Variants in SH3PXD2A observed in about 807,000 individuals in gnomAD.
SH3PXD2A encodes the protein SH3 and PX domains 2A.
SH3PXD2A carries 32 observed loss-of-function variants against 115.2 expected under a neutral mutation model. The ratio of observed to expected loss-of-function variants is 0.28; its 90% CI spans 0.21 to 0.37. The LOEUF is 0.37. SH3PXD2A is among the 10% of genes least tolerant of loss of function. The pLI is 1.00. For missense variants in SH3PXD2A, 1,328 were observed against 1,498.7 expected, an observed-to-expected ratio of 0.89 and a Z score of 1.88; for synonymous variants, 610 against 629.1, an observed-to-expected ratio of 0.97 and a Z score of 0.45.
At chr10:103,745,766 C>G (rs928724035) in intron 3 of SH3PXD2A, among the ~76,000 whole-genome samples, 2 of 152,210 alleles carry the variant, frequency 1.3e-5, no homozygotes, top group African/African-American at 2.4e-5. Context: ...TCCTGATTCA[C>G]CCAACCCATA....
rs1318576156 is a variant in SH3PXD2A, at chr10:103,617,181, T to C, written c.920+16A>G. On this transcript the variant is annotated intron_variant, in intron 11 of 14. Coordinates refer to ENST00000369774, the MANE Select transcript of SH3PXD2A (RefSeq NM_001394015.1). ...TGGGCGAGAGGCATCTCGTTCATAA[T>C]GTAAGGGTTCCCTACCTGATATACC... 1 of 1,571,390 alleles carries C rather than the reference T, an allele frequency of 6.4e-7. No individual in the cohort carries two copies. Among genetic ancestry groups the C allele is most frequent in the East Asian group, 2.2e-5 (1 of 44,722 alleles).
At chr10:103,653,094 T>C (rs963542175) in intron 8 of SH3PXD2A, among the ~76,000 whole-genome samples, 1 of 152,172 alleles carries the variant, frequency 6.6e-6, no homozygotes, top group Non-Finnish European at 1.5e-5. Flanking sequence ...CCACAGCGCC[T>C]GCTTGTTTCC....
chr10:103,675,560 C>G (rs780816376), intron 6 of SH3PXD2A, among the ~76,000 whole-genome samples: 24 of 152,078 alleles, frequency 1.6e-4, no homozygotes, highest in Non-Finnish European at 2.4e-4. Flanking sequence ...GTCTCAGAAC[C>G]AGAGAGGAGA....
In SH3PXD2A at chr10:103,788,048, G is replaced by T. The variant is rs115903188; in HGVS notation, c.153+13234C>A. 6.0e-3 allele frequency among the ~76,000 whole-genome samples: 910 copies of T among 152,270 alleles called. 13 individuals are homozygous for T. The highest frequency in any genetic ancestry group is 0.021 in the African/African-American group (858 of 41,546). On this transcript the variant is annotated intron_variant, in intron 2 of 14. Coordinates refer to ENST00000369774, the MANE Select transcript of SH3PXD2A (RefSeq NM_001394015.1). ...AGACCCTTCTGTGGCTGGGAAAAAT[G>T]TTCCCCTAATCCAGGCTGGGCATGC... is the stretch of plus-strand genomic sequence containing the variant.
At chr10:103,854,907 C>A (rs1842926450) in intron 1 of SH3PXD2A, among the ~76,000 whole-genome samples, 1 of 152,200 alleles carries the variant, frequency 6.6e-6, no homozygotes, top group Admixed American at 6.5e-5. Context: ...AAAGCTCCCC[C>A]CACCATCCAT....
At chr10:103,639,485 C>T (rs759964359) in intron 8 of SH3PXD2A, among the ~76,000 whole-genome samples, 2 of 151,960 alleles carry the variant, frequency 1.3e-5, no homozygotes, top group Non-Finnish European at 2.9e-5. Context: ...TGGCGTGTGC[C>T]TGTAGTCCCA....
At chr10:103,622,577 G>A (rs1257756715) in intron 9 of SH3PXD2A, 24 bp from the exon 10 acceptor site, 2 of 1,512,906 alleles carry the variant, frequency 1.3e-6, no homozygotes, top group East Asian at 4.9e-5. Context: ...TGGCGATGGA[G>A]CATGCGGCCA....
intron 7 of SH3PXD2A, among the ~76,000 whole-genome samples, chr10:103,662,573 G>T (rs1340826117): frequency 3.3e-5 from 5 of 150,046 alleles, no homozygotes; most frequent in African/African-American, 7.4e-5. Flanking sequence ...CTAATTTTTT[G>T]TATTTTTAGT....
rs563241897 is a variant in SH3PXD2A at position 103,618,332 on chromosome 10, C to T, written c.803-1018G>A. On this transcript the variant is annotated intron_variant, in intron 10 of 14. Transcript: ENST00000369774. ...CAGGAGGGTGTTTCTTCCATGCCTG[C>T]TGGGGTTCAGCTTTCCCTGTCCCAG... Among the ~76,000 whole-genome samples, 184 of 152,344 alleles carry T rather than the reference C, an allele frequency of 1.2e-3. 1 individual carries two copies. The highest frequency in any genetic ancestry group is 1.9e-3 in the Non-Finnish European group (132 of 68,022).
intron 2 of SH3PXD2A, among the ~76,000 whole-genome samples, chr10:103,791,226 C>T (rs555752061): frequency 3.3e-4 from 51 of 152,330 alleles, no homozygotes; most frequent in Admixed American, 9.8e-4. Context: ...GGGGGTGCAG[C>T]AAAGGGCGGA....
intron 2 of SH3PXD2A, among the ~76,000 whole-genome samples, chr10:103,796,018 A>G (rs1446620658): frequency 6.6e-6 from 1 of 152,080 alleles, no homozygotes; most frequent in Non-Finnish European, 1.5e-5. Flanking sequence ...CCCCCAAACT[A>G]GAGTGTGGGT....
intron 3 of SH3PXD2A, among the ~76,000 whole-genome samples, chr10:103,759,696 C>G (rs948593067): frequency 2.6e-5 from 4 of 152,232 alleles, no homozygotes; most frequent in Non-Finnish European, 5.9e-5. Flanking sequence ...GGAGTCTCCT[C>G]AGGCCAGCAA....
chr10:103,647,963 A>AT (rs951291960), intron 8 of SH3PXD2A, among the ~76,000 whole-genome samples: 6 of 152,048 alleles, frequency 3.9e-5, no homozygotes, highest in African/African-American at 1.4e-4. Context: ...AGGGATGAGA[A>AT]TCTCCTATTC....
rs1554901348 is a variant in SH3PXD2A at position 103,596,663 on chromosome 10, ACTCTCTCT to A, written c.*5145_*5152del. Reference sequence around the variant, plus strand: ...CACACACACACACACACACACACACACTCTCTCTCTCTCTCTCTCTCTCACAACACATG... The same window carrying A: ...CACACACACACACACACACACACACACTCTCTCTCTCTCTCACAACACATG... On this transcript the variant is annotated 3_prime_UTR_variant, in exon 15 of 15. Coordinates refer to ENST00000369774, the MANE Select transcript of SH3PXD2A (RefSeq NM_001394015.1). The A allele has an allele frequency of 1.6e-5, 2 of 124,440 alleles. No homozygotes were observed. The highest frequency in any genetic ancestry group is 3.2e-5 in the African/African-American group (1 of 31,676). 7.7% of individuals were successfully genotyped at this position (124,440 alleles called of 1,614,324 possible).
intron 3 of SH3PXD2A, chr10:103,754,580 CT>C (rs1279976843): frequency 4.8e-5 from 7 of 145,242 alleles, no homozygotes; most frequent in South Asian, 2.1e-4. Flanking sequence ...TGGCCCAAAA[CT>C]TCACCCCATC....
rs1315738611 is a variant in SH3PXD2A, at chr10:103,607,060, T to C, written c.1309-1143A>G. ...CATCTAGGAAGTGAGGAGCGCCTCTTCCCGGCCGCCATCCCATCTAGGAAG... is the reference window on the plus strand; with the variant it reads ...CATCTAGGAAGTGAGGAGCGCCTCTCCCCGGCCGCCATCCCATCTAGGAAG... On this transcript the variant is annotated intron_variant, in intron 13 of 14. Transcript: ENST00000369774. Among the ~76,000 whole-genome samples, 8 of 131,030 alleles carry C rather than the reference T, an allele frequency of 6.1e-5. No homozygotes were observed. In the South Asian group the frequency reaches 1.8e-3, roughly 30 times the overall value. The allele number at this position is 131,030 out of a possible 152,430, so 86.0% of individuals were successfully genotyped here. A position where few individuals can be genotyped will look rare whatever the true frequency, so the allele number is the denominator to read the frequency against.
chr10:103,623,552 G>A (rs1424327974), intron 9 of SH3PXD2A, among the ~76,000 whole-genome samples: 3 of 151,622 alleles, frequency 2.0e-5, no homozygotes, highest in East Asian at 1.9e-4. Flanking sequence ...AAATAAAACC[G>A]TCCCAGACCA....
At chr10:103,841,999 C>T (rs1411386431) in intron 1 of SH3PXD2A, among the ~76,000 whole-genome samples, 1 of 152,024 alleles carries the variant, frequency 6.6e-6, no homozygotes, top group East Asian at 1.9e-4. Flanking sequence ...GTGGCGGGTG[C>T]CTGTAGTCCC....
chr10:103,659,329 C>T (rs1351940883), intron 8 of SH3PXD2A, among the ~76,000 whole-genome samples: 1 of 152,186 alleles, frequency 6.6e-6, no homozygotes. Context: ...GACAGGCAGG[C>T]GTGGTGGGAG....
Sources: gnomAD v4.1 joint callset for allele counts (sites outside exome capture counted in the v4.1 genomes callset) on GRCh38, gnomAD v4.1.1 for gene constraint, MANE v1.5 for transcripts, NCBI Gene and HGNC (gene_info 2026-07-23, HGNC 2026-07-21) for gene names.